Variants in ARHGAP15 observed in about 807,000 individuals in gnomAD.
ARHGAP15 encodes the protein Rho GTPase activating protein 15.
ARHGAP15 carries 51 observed loss-of-function variants against 63.7 expected under a neutral mutation model. That is an observed-to-expected ratio of 0.80 (90% CI 0.64 to 1.01). The LOEUF is 1.01. ARHGAP15 is among the 50% of genes least tolerant of loss of function. The pLI, the probability that ARHGAP15 is intolerant of heterozygous loss-of-function variation, is 0.00. For synonymous variants in ARHGAP15, 191 were observed against 193.8 expected, an observed-to-expected ratio of 0.99 and a Z score of 0.12; for missense variants, 560 against 564.6, an observed-to-expected ratio of 0.99 and a Z score of 0.08.
At chr2:143,147,356 C>T (rs1160558828) in intron 1 of ARHGAP15, among the ~76,000 whole-genome samples, 1 of 151,968 alleles carries the variant, frequency 6.6e-6, no homozygotes, top group African/African-American at 2.4e-5. Context: ...GATAGTTGTA[C>T]GCAAGAGGCG....
At chr2:143,246,298 T>C (rs1384494334) in intron 5 of ARHGAP15, among the ~76,000 whole-genome samples, 1 of 151,930 alleles carries the variant, frequency 6.6e-6, no homozygotes, top group African/African-American at 2.4e-5. Context: ...CAGAGTGCAA[T>C]AGAGGAAGCT....
intron 6 of ARHGAP15, among the ~76,000 whole-genome samples, chr2:143,260,679 T>A (rs535950628): frequency 6.6e-6 from 1 of 152,300 alleles, no homozygotes; most frequent in East Asian, 1.9e-4. Flanking sequence ...GACTTTTGGG[T>A]TTTATTTTTA....
At chr2:143,134,796 A>G (rs915812318) in intron 1 of ARHGAP15, among the ~76,000 whole-genome samples, 8 of 64,906 alleles carry the variant, frequency 1.2e-4, no homozygotes, top group South Asian at 3.9e-4. Context: ...CACCAAGCCC[A>G]GCTAATTTTT....
chr2:143,402,941 A>G (rs113839729), intron 6 of ARHGAP15, among the ~76,000 whole-genome samples: 190 of 151,964 alleles, frequency 1.3e-3, no homozygotes, highest in African/African-American at 4.4e-3. Context: ...TTATAGAAGA[A>G]TATATTCTTA....
At chr2:143,437,996 C>T (rs1689688162) in intron 8 of ARHGAP15, among the ~76,000 whole-genome samples, 1 of 152,136 alleles carries the variant, frequency 6.6e-6, no homozygotes, top group Admixed American at 6.6e-5. Context: ...AGCATTCCAG[C>T]CTGGTTGGCA....
In ARHGAP15 at chr2:143,592,373, T is replaced by C. The variant is rs117141558; in HGVS notation, c.1004-31760T>C. ...ATACTTTTAGGTTTTTCTGCTATTC[T>C]TAGTTGACTATTTGACTTTAGTTGT... On this transcript the variant is annotated intron_variant, in intron 11 of 13. Transcript: ENST00000295095. 3.2e-4 allele frequency among the ~76,000 whole-genome samples: 48 copies of C among 152,370 alleles called. No individual in the cohort carries two copies. The East Asian group carries it at 8.5e-3, about 27-fold the overall frequency.
chr2:143,358,017 A>G (rs1252031252), intron 6 of ARHGAP15, among the ~76,000 whole-genome samples: 1 of 152,222 alleles, frequency 6.6e-6, no homozygotes, highest in Non-Finnish European at 1.5e-5. Flanking sequence ...TAGGAAAAAT[A>G]TTCTGTTACA....
In ARHGAP15 at chr2:143,449,455, TG is replaced by T; in HGVS notation, c.703+12414del. Among the ~76,000 whole-genome samples the T allele has an allele frequency of 1.3e-5, 2 of 152,250 alleles. 1 individual carries two copies. Among genetic ancestry groups the T allele is most frequent in the East Asian group, 3.9e-4 (2 of 5,186 alleles). ...TCAAGCAAGAATAATAGTATTTGAT[TG>T]CTTAAATTTCTTTATTTTTATGTTG... is the stretch of plus-strand genomic sequence containing the variant. On this transcript the variant is annotated intron_variant, in intron 8 of 13. Coordinates refer to ENST00000295095, the MANE Select transcript of ARHGAP15 (RefSeq NM_018460.4).
intron 6 of ARHGAP15, among the ~76,000 whole-genome samples, chr2:143,390,801 A>G (rs998261260): frequency 2.6e-5 from 4 of 151,850 alleles, no homozygotes; most frequent in Non-Finnish European, 5.9e-5. Context: ...TAAGGTACCA[A>G]CCCAAAGGGA....
intron 6 of ARHGAP15, among the ~76,000 whole-genome samples, chr2:143,287,288 C>T (rs576881534): frequency 6.6e-6 from 1 of 152,132 alleles, no homozygotes; most frequent in South Asian, 2.1e-4. Flanking sequence ...AGAGATTAGA[C>T]TTAATCTAAT....
chr2:143,246,493 T>A (rs1694049904), intron 5 of ARHGAP15, among the ~76,000 whole-genome samples: 1 of 151,780 alleles, frequency 6.6e-6, no homozygotes, highest in South Asian at 2.1e-4. Flanking sequence ...GAAGAGAAAG[T>A]GACTAGGAAC....
intron 13 of ARHGAP15, among the ~76,000 whole-genome samples, chr2:143,715,262 A>C (rs564332570): frequency 1.3e-5 from 2 of 152,332 alleles, no homozygotes; most frequent in East Asian, 1.9e-4. Context: ...TATCACGAGA[A>C]TAGCATGGGA....
chr2:143,635,593 T>C (rs183595921), intron 12 of ARHGAP15, among the ~76,000 whole-genome samples: 73 of 152,270 alleles, frequency 4.8e-4, no homozygotes, highest in African/African-American at 1.7e-3. Flanking sequence ...TTAGATGTGA[T>C]GGCTCCTGGA....
chr2:143,356,517 C>T (rs771865448), intron 6 of ARHGAP15, among the ~76,000 whole-genome samples: 1 of 152,032 alleles, frequency 6.6e-6, no homozygotes, highest in African/African-American at 2.4e-5. Context: ...CTTCCTTTCC[C>T]CCTTTAAGTT....
intron 13 of ARHGAP15, among the ~76,000 whole-genome samples, chr2:143,766,304 C>A (rs1186643663): frequency 1.3e-5 from 2 of 152,154 alleles, no homozygotes; most frequent in Non-Finnish European, 2.9e-5. Flanking sequence ...GTTCTCCCAA[C>A]CAGGACGTAA....
At chr2:143,415,015 A>T (rs963968820) in intron 6 of ARHGAP15, among the ~76,000 whole-genome samples, 2 of 152,196 alleles carry the variant, frequency 1.3e-5, no homozygotes, top group Non-Finnish European at 2.9e-5. Context: ...TAGCACCAAA[A>T]AGGAAACTAA....
At chr2:143,659,567 A>G (rs1681639657) in intron 12 of ARHGAP15, among the ~76,000 whole-genome samples, 1 of 152,122 alleles carries the variant, frequency 6.6e-6, no homozygotes, top group Non-Finnish European at 1.5e-5. Context: ...AAAGATTCTT[A>G]GGTATCCATT....
rs142056631 is a variant in ARHGAP15 at position 143,387,272 on chromosome 2, T to C, written c.475-48329T>C. 1.7e-3 allele frequency among the ~76,000 whole-genome samples: 259 copies of C among 152,308 alleles called. 1 individual carries two copies. Among genetic ancestry groups the C allele is most frequent in the African/African-American group, 5.7e-3 (236 of 41,572 alleles). The stretch of plus-strand genomic sequence containing the variant: ...AAAGGAATTTAGGAACATTGATGAA[T>C]GTTGAATGAAAGTAATTTTTATCTG... On this transcript the variant is annotated intron_variant, in intron 6 of 13. Transcript: ENST00000295095.
chr2:143,745,345 A>G (rs761178243), intron 13 of ARHGAP15, among the ~76,000 whole-genome samples: 1 of 152,106 alleles, frequency 6.6e-6, no homozygotes, highest in Non-Finnish European at 1.5e-5. Context: ...GTCCTTTCTC[A>G]CAGAGCAGGC....
Sources: gnomAD v4.1 joint callset for allele counts (sites outside exome capture counted in the v4.1 genomes callset) on GRCh38, gnomAD v4.1.1 for gene constraint, MANE v1.5 for transcripts, NCBI Gene and HGNC (gene_info 2026-07-23, HGNC 2026-07-21) for gene names.